RALYL: variants seen among roughly 807,000 people sequenced by gnomAD.
The protein encoded by RALYL is RALY RNA binding protein like.
Under a neutral mutation model 35.1 loss-of-function variants are expected in RALYL, and 29 were observed. That is an observed-to-expected ratio of 0.83 (90% CI 0.61 to 1.13). RALYL has a LOEUF of 1.13. Among genes scored for constraint, RALYL ranks in the 50% most tolerant of loss-of-function variants. The probability of loss-of-function intolerance (pLI) is 0.00; values close to 1 mark genes in which losing one functional copy is unlikely to be tolerated. For synonymous variants in RALYL, 120 were observed against 127.6 expected (o/e 0.94, Z 0.40); for missense variants, 359 against 360.4 (o/e 1.00, Z 0.03).
chr8:84,478,308 A>G (rs937777186), intron 1 of RALYL, among the ~76,000 whole-genome samples: 16 of 152,292 alleles, frequency 1.1e-4, no homozygotes, highest in African/African-American at 3.6e-4. Context: ...TGTCCCAGAG[A>G]GTGAGAATTT....
At chr8:84,638,251 C>A (rs76005409) in intron 2 of RALYL, among the ~76,000 whole-genome samples, 2 of 151,798 alleles carry the variant, frequency 1.3e-5, no homozygotes, top group Admixed American at 6.6e-5. Flanking sequence ...TTAAAAAATT[C>A]TTTGAACTGA....
chr8:84,437,121 G>C (rs1035524398), intron 1 of RALYL, among the ~76,000 whole-genome samples: 1 of 152,050 alleles, frequency 6.6e-6, no homozygotes, highest in Non-Finnish European at 1.5e-5. Context: ...AGAACATGTT[G>C]TATTTGGTTT....
intron 1 of RALYL, among the ~76,000 whole-genome samples, chr8:84,202,430 C>T (rs560376679): frequency 4.4e-5 from 6 of 136,330 alleles, no homozygotes; most frequent in East Asian, 2.2e-4. Context: ...TGGAGTGTAG[C>T]GGTGCAATCT....
chr8:84,384,069 A>C (rs941674019), intron 1 of RALYL, among the ~76,000 whole-genome samples: 3 of 151,766 alleles, frequency 2.0e-5, no homozygotes, highest in Admixed American at 1.3e-4. Context: ...TTTTTCCAGG[A>C]AATTTTCTTT....
chr8:84,216,698 A>G (rs1275105264), intron 1 of RALYL, among the ~76,000 whole-genome samples: 1 of 152,048 alleles, frequency 6.6e-6, no homozygotes, highest in Non-Finnish European at 1.5e-5. Context: ...TGTATCTGCT[A>G]TTTAGTACAG....
intron 2 of RALYL, among the ~76,000 whole-genome samples, chr8:84,555,069 AG>A (rs2061006728): frequency 6.6e-6 from 1 of 152,138 alleles, no homozygotes; most frequent in South Asian, 2.1e-4. Flanking sequence ...TCACGAGGTC[AG>A]GCGTTCAAGA....
At chr8:84,390,538 CAG>C in intron 1 of RALYL, among the ~76,000 whole-genome samples, 1 of 152,178 alleles carries the variant, frequency 6.6e-6, no homozygotes, top group Middle Eastern at 3.4e-3. Context: ...TTGGTCTATT[CAG>C]AGATTCAACT....
intron 2 of RALYL, among the ~76,000 whole-genome samples, chr8:84,739,551 G>T (rs1241504479): frequency 1.3e-5 from 2 of 151,592 alleles, no homozygotes; most frequent in Non-Finnish European, 2.9e-5. Context: ...TATTTTAGGT[G>T]AAATACTTAT....
chr8:84,478,322 G>A (rs1046375842), intron 1 of RALYL, among the ~76,000 whole-genome samples: 4 of 152,164 alleles, frequency 2.6e-5, no homozygotes, highest in South Asian at 2.1e-4. Context: ...AGAATTTGTC[G>A]CGAAATGGAG....
At chr8:84,565,891 A>G (rs1255911472) in intron 2 of RALYL, among the ~76,000 whole-genome samples, 5 of 151,632 alleles carry the variant, frequency 3.3e-5, no homozygotes, top group African/African-American at 4.8e-5. Context: ...AATAATGTAT[A>G]TGAAATAAAT....
intron 2 of RALYL, among the ~76,000 whole-genome samples, chr8:84,606,478 A>T (rs748369717): frequency 9.9e-5 from 15 of 152,188 alleles, no homozygotes; most frequent in African/African-American, 1.9e-4. Flanking sequence ...ACACAAGGAC[A>T]TTGCTTTAGA....
chr8:84,795,747 T>G (rs1821763810), intron 3 of RALYL, among the ~76,000 whole-genome samples: 2 of 152,204 alleles, frequency 1.3e-5, no homozygotes, highest in Non-Finnish European at 2.9e-5. Context: ...CCCTGAGGCC[T>G]AAGTAGGCTT....
chr8:84,712,743 A>C (rs1274880881), intron 2 of RALYL, among the ~76,000 whole-genome samples: 2 of 152,192 alleles, frequency 1.3e-5, no homozygotes, highest in Non-Finnish European at 2.9e-5. Flanking sequence ...ATCACTTCAA[A>C]AAATGTTACA....
chr8:84,302,580 G>A (rs1841015319), intron 1 of RALYL, among the ~76,000 whole-genome samples: 1 of 152,184 alleles, frequency 6.6e-6, no homozygotes, highest in Admixed American at 6.5e-5. Context: ...CGAAGAGCAA[G>A]GTCGTACATC....
At chr8:84,822,015 G>C (rs1419427846) in intron 4 of RALYL, among the ~76,000 whole-genome samples, 1 of 152,146 alleles carries the variant, frequency 6.6e-6, no homozygotes, top group Non-Finnish European at 1.5e-5. Context: ...TAATGTGCTT[G>C]TAGTTTTATT....
intron 2 of RALYL, among the ~76,000 whole-genome samples, chr8:84,571,510 G>A: frequency 6.6e-6 from 1 of 151,026 alleles, no homozygotes. Flanking sequence ...CTTTTTTCTT[G>A]CTTAAGCTAG....
intron 2 of RALYL, among the ~76,000 whole-genome samples, chr8:84,695,174 T>G (rs1477708659): frequency 6.6e-6 from 1 of 151,764 alleles, no homozygotes; most frequent in Non-Finnish European, 1.5e-5. Context: ...ATGTGTCAGG[T>G]CTTTACACAT....
At chr8:84,810,844 C>G (rs946068454) in intron 4 of RALYL, among the ~76,000 whole-genome samples, 1 of 152,096 alleles carries the variant, frequency 6.6e-6, no homozygotes, top group African/African-American at 2.4e-5. Context: ...GCATAAAATG[C>G]CTTTTTCCAC....
At chr8:84,612,405 T>C (rs531330651) in intron 2 of RALYL, among the ~76,000 whole-genome samples, 4 of 152,002 alleles carry the variant, frequency 2.6e-5, no homozygotes, top group Non-Finnish European at 5.9e-5. Context: ...TGTAACACTT[T>C]CCCTGTGACA....
Sources: allele counts gnomAD v4.1 joint callset (sites outside exome capture counted in the v4.1 genomes callset), GRCh38; gene constraint gnomAD v4.1.1; transcripts MANE v1.5; gene names NCBI Gene and HGNC (gene_info 2026-07-23, HGNC 2026-07-21).